Variants in RAI14 observed in about 807,000 individuals in gnomAD.
RAI14 encodes ankycorbin.
In RAI14, 45 loss-of-function variants were observed where a neutral mutation model predicts 115.4. The observed-to-expected ratio is 0.39, with a 90% CI of 0.31 to 0.50. RAI14 has a LOEUF of 0.50. RAI14 is among the 20% of genes least tolerant of loss of function. The pLI, the probability that RAI14 is intolerant of heterozygous loss-of-function variation, is 0.85. For synonymous variants in RAI14, 371 were observed against 415.4 expected (o/e 0.89, Z 1.30); for missense variants, 939 against 1,131.2 (o/e 0.83, Z 2.44).
At chr5:34,729,787 G>C (rs1210631725) in intron 2 of RAI14, among the ~76,000 whole-genome samples, 1 of 152,156 alleles carries the variant, frequency 6.6e-6, no homozygotes, top group Non-Finnish European at 1.5e-5. Flanking sequence ...AGACTCATGA[G>C]ACAGAGCCAC....
intron 2 of RAI14, among the ~76,000 whole-genome samples, chr5:34,731,612 G>A (rs1744192082): frequency 6.6e-6 from 1 of 152,140 alleles, no homozygotes. Flanking sequence ...CAGTTCCTGG[G>A]CACTCAGCTG....
intron 3 of RAI14, 43 bp from the exon 4 acceptor site, chr5:34,795,896 A>G (rs189522338): frequency 3.3e-6 from 5 of 1,520,090 alleles, no homozygotes; most frequent in Non-Finnish European, 4.6e-6. Flanking sequence ...TGAACATTAA[A>G]GAGTAGAAAT....
chr5:34,822,132 GAAA>G (rs1026112498), intron 14 of RAI14, among the ~76,000 whole-genome samples: 4 of 147,694 alleles, frequency 2.7e-5, no homozygotes, highest in East Asian at 2.0e-4. Context: ...AAAATTTATA[GAAA>G]AAATTCTATA....
chr5:34,678,790 C>G (rs900794230), intron 1 of RAI14, among the ~76,000 whole-genome samples: 2 of 152,184 alleles, frequency 1.3e-5, no homozygotes, highest in South Asian at 2.1e-4. Flanking sequence ...TCTGCAGTTC[C>G]CTTGTTGAAT....
intron 1 of RAI14, among the ~76,000 whole-genome samples, chr5:34,677,515 G>T (rs1744076770): frequency 6.6e-6 from 1 of 150,416 alleles, no homozygotes; most frequent in Non-Finnish European, 1.5e-5. Flanking sequence ...GACAATCATA[G>T]CTCCCTGTAG....
At chr5:34,665,569 C>T (rs151224176) in intron 1 of RAI14, among the ~76,000 whole-genome samples, 2 of 148,558 alleles carry the variant, frequency 1.3e-5, no homozygotes, top group Non-Finnish European at 3.0e-5. Flanking sequence ...CTTAAATATT[C>T]GTGAGGCATA....
chr5:34,795,405 G>A (rs6893365), intron 3 of RAI14, among the ~76,000 whole-genome samples: 46,697 of 152,016 alleles, frequency 0.31, 9,135 homozygotes, highest in African/African-American at 0.56. Context: ...CCCACATTAG[G>A]CACTTACCAA....
chr5:34,664,214 G>A (rs982116265), intron 1 of RAI14, among the ~76,000 whole-genome samples: 6 of 151,208 alleles, frequency 4.0e-5, no homozygotes, highest in African/African-American at 7.3e-5. Flanking sequence ...TTTAGGCCAG[G>A]CACAGTGGCT....
At chr5:34,685,345 A>C (rs1744747766) in intron 1 of RAI14, among the ~76,000 whole-genome samples, 1 of 152,230 alleles carries the variant, frequency 6.6e-6, no homozygotes, top group Non-Finnish European at 1.5e-5. Context: ...TTCCAAGTGA[A>C]GTAACTCAGG....
rs1327773453 is a variant in RAI14 at position 34,814,589 on chromosome 5, G to A, written c.859G>A (p.Asp287Asn). The change falls in exon 12 of 18, where the codon GAT (aspartate) becomes AAT (asparagine). Residue 287 changes from aspartate to asparagine, a missense_variant. Transcript: ENST00000265109. ...CATTTTGTTTCTTTTTTAGTTGAGTGATGTCTCTTCCCCAAGATCAATAAC... is the reference window on the plus strand; with the variant it reads ...CATTTTGTTTCTTTTTTAGTTGAGTAATGTCTCTTCCCCAAGATCAATAAC... ...PPPISPTQLS[D>N]VSSPRSITST... 1.2e-6 allele frequency: 2 copies of A among 1,611,418 alleles called. No individual in the cohort carries two copies. The highest frequency in any genetic ancestry group is 1.7e-6 in the Non-Finnish European group (2 of 1,177,860).
At chr5:34,729,483 C>T (rs778275842) in intron 2 of RAI14, among the ~76,000 whole-genome samples, 9 of 152,166 alleles carry the variant, frequency 5.9e-5, no homozygotes, top group Non-Finnish European at 1.3e-4. Flanking sequence ...ACCCCAGTGA[C>T]TTCAAGAAAA....
chr5:34,758,805 T>A, intron 3 of RAI14, among the ~76,000 whole-genome samples: 1 of 152,186 alleles, frequency 6.6e-6, no homozygotes, highest in Middle Eastern at 3.2e-3. Context: ...AAGGCAGAGT[T>A]GAGTAGTTAC....
In RAI14 at chr5:34,791,029, T is replaced by C. The variant is rs912682350; in HGVS notation, c.168-4910T>C. Among the ~76,000 whole-genome samples the C allele has an allele frequency of 1.3e-5, 2 of 152,142 alleles. No individual in the cohort carries two copies. The highest frequency in any genetic ancestry group is 2.1e-4 in the South Asian group (1 of 4,820). On this transcript the variant is annotated intron_variant, in intron 3 of 17. Coordinates refer to ENST00000265109, the MANE Select transcript of RAI14 (RefSeq NM_015577.3). The surrounding 1 kb of genome is among the most constrained non-coding windows in gnomAD (Gnocchi z 5.4). The stretch of plus-strand genomic sequence containing the variant: ...CATGATGGGAGGGTTCAGGAGCTGA[T>C]ACATTTTTGTATTTTCTGAGAGTCT...
intron 2 of RAI14, among the ~76,000 whole-genome samples, chr5:34,744,776 T>G (rs1745951956): frequency 6.6e-6 from 1 of 152,312 alleles, no homozygotes; most frequent in Admixed American, 6.5e-5. Flanking sequence ...GACCACAAAC[T>G]GGGTGGCTTA....
At chr5:34,818,872 T>TG (rs1756543608) in intron 13 of RAI14, 21 bp downstream of exon 13, 4 of 581,478 alleles carry the variant, frequency 6.9e-6, no homozygotes, top group Non-Finnish European at 9.4e-6. Flanking sequence ...GAAGCATCTG[T>TG]TTTTTTTTTT....
intron 3 of RAI14, among the ~76,000 whole-genome samples, chr5:34,780,493 C>T (rs1474832454): frequency 1.3e-5 from 2 of 152,100 alleles, no homozygotes; most frequent in East Asian, 3.8e-4. Context: ...GGCTAATATC[C>T]AGAATCTACA....
At chr5:34,805,156 G>A (rs1385882538) in intron 5 of RAI14, among the ~76,000 whole-genome samples, 3 of 152,136 alleles carry the variant, frequency 2.0e-5, no homozygotes, top group Non-Finnish European at 4.4e-5. Context: ...TTCTTACCAC[G>A]AAAGGGCAGA....
At chr5:34,731,167 A>G (rs1188378392) in intron 2 of RAI14, among the ~76,000 whole-genome samples, 4 of 152,204 alleles carry the variant, frequency 2.6e-5, no homozygotes, top group Non-Finnish European at 4.4e-5. Context: ...TGTTTTTAGT[A>G]GAATATTAAA....
At chr5:34,658,819 G>T (rs1579836514) in intron 1 of RAI14, among the ~76,000 whole-genome samples, 1 of 151,710 alleles carries the variant, frequency 6.6e-6, no homozygotes, top group South Asian at 2.1e-4. Context: ...AAATAAATAA[G>T]TATGAAATAT....
Sources: allele counts gnomAD v4.1 joint callset (sites outside exome capture counted in the v4.1 genomes callset), GRCh38; gene constraint gnomAD v4.1.1; non-coding constraint Gnocchi (gnomAD v3.1); transcripts MANE v1.5; gene names NCBI Gene and HGNC (gene_info 2026-07-23, HGNC 2026-07-21).